The following COG6 variants were observed in gnomAD, a reference collection of about 807,000 sequenced individuals.
COG6 encodes the protein component of oligomeric golgi complex 6, also known as conserved oligomeric Golgi complex subunit 6.
In COG6, 74 loss-of-function variants were observed where a neutral mutation model predicts 88.8. That is an observed-to-expected ratio of 0.83 (90% confidence interval 0.69 to 1.01). COG6 has a LOEUF of 1.01. Ranked by LOEUF, COG6 falls within the 50% of genes least tolerant of loss-of-function variation. The probability of loss-of-function intolerance (pLI) is 0.00; values close to 1 mark genes in which losing one functional copy is unlikely to be tolerated. For synonymous variants in COG6, 286 were observed against 278.7 expected (o/e 1.03, Z -0.26); for missense variants, 800 against 797.9 (o/e 1.00, Z -0.03).
intron 18 of COG6, among the ~76,000 whole-genome samples, chr13:39,783,090 T>C (rs181652228): frequency 6.6e-6 from 1 of 152,352 alleles, no homozygotes; most frequent in East Asian, 1.9e-4. Flanking sequence ...TATGTCTTTT[T>C]TACAATTACT....
At chr13:39,720,477 A>G (rs1375795166) in intron 15 of COG6, among the ~76,000 whole-genome samples, 3 of 152,140 alleles carry the variant, frequency 2.0e-5, no homozygotes, top group African/African-American at 4.8e-5. Flanking sequence ...TATCACACAT[A>G]TATCAACAGT....
At chr13:39,686,821 A>G (rs565152718) in intron 8 of COG6, among the ~76,000 whole-genome samples, 18 of 152,096 alleles carry the variant, frequency 1.2e-4, no homozygotes, top group Non-Finnish European at 2.1e-4. Flanking sequence ...CCTGAACCTC[A>G]CGGGCTCAAG....
At chr13:39,668,757 C>G (rs748195376) in intron 4 of COG6, among the ~76,000 whole-genome samples, 1 of 149,142 alleles carries the variant, frequency 6.7e-6, no homozygotes, top group Non-Finnish European at 1.5e-5. Flanking sequence ...CACTGCACTC[C>G]AGCCTGGGCG....
chr13:39,693,620 GTTAA>G (rs1219112739), intron 11 of COG6, among the ~76,000 whole-genome samples: 1 of 151,944 alleles, frequency 6.6e-6, no homozygotes, highest in African/African-American at 2.4e-5. Context: ...ATGGTATTGT[GTTAA>G]TTAGATAGTC....
intron 1 of COG6, chr13:39,656,995 A>G (rs1434476475): frequency 2.4e-5 from 10 of 418,518 alleles, no homozygotes; most frequent in South Asian, 1.2e-4. Flanking sequence ...GATATTTATT[A>G]TATCATTTAA....
downstream of COG6, among the ~76,000 whole-genome samples, chr13:39,755,465 T>A (rs1469706952): frequency 6.6e-6 from 1 of 152,150 alleles, no homozygotes; most frequent in Non-Finnish European, 1.5e-5. Context: ...TTTAAAACAT[T>A]TACCTGTCAT....
chr13:39,768,111 T>G (rs1410660240), intron 18 of COG6, among the ~76,000 whole-genome samples: 1 of 123,972 alleles, frequency 8.1e-6, no homozygotes, highest in African/African-American at 2.9e-5. Context: ...TTCTTGCAGT[T>G]TAACACACAT....
chr13:39,695,964 ATTGT>A (rs1260330757), intron 12 of COG6, among the ~76,000 whole-genome samples: 2 of 151,976 alleles, frequency 1.3e-5, no homozygotes, highest in African/African-American at 2.4e-5. Flanking sequence ...AATTTTTAAA[ATTGT>A]TTATTTAATA....
chr13:39,748,695 T>G (rs1880467113), intron 18 of COG6, among the ~76,000 whole-genome samples: 1 of 152,114 alleles, frequency 6.6e-6, no homozygotes, highest in Non-Finnish European at 1.5e-5. Flanking sequence ...ATCCCTTCCC[T>G]TTCAGCAGAA....
At chr13:39,686,217 T>G (rs1566179238) in intron 8 of COG6, among the ~76,000 whole-genome samples, 1 of 152,206 alleles carries the variant, frequency 6.6e-6, no homozygotes, top group East Asian at 1.9e-4. Context: ...GAATACTGTT[T>G]AGAGATTTAA....
intron 3 of COG6, among the ~76,000 whole-genome samples, chr13:39,663,233 A>G (rs1267973810): frequency 1.3e-5 from 2 of 152,110 alleles, no homozygotes; most frequent in East Asian, 3.9e-4. Flanking sequence ...TATAAATGAA[A>G]AAATCAGGAA....
intron 13 of COG6, among the ~76,000 whole-genome samples, chr13:39,712,149 T>C (rs1229577922): frequency 1.3e-5 from 2 of 152,032 alleles, no homozygotes; most frequent in Non-Finnish European, 2.9e-5. Context: ...TGAGTCACCA[T>C]GCCCAGCCCT....
At chr13:39,772,189 A>G (rs1031397798) in intron 18 of COG6, among the ~76,000 whole-genome samples, 5 of 152,076 alleles carry the variant, frequency 3.3e-5, no homozygotes, top group African/African-American at 1.2e-4. Context: ...GTTTCCTGAA[A>G]TGTCTTCCCT....
At chr13:39,781,757 G>A (rs375258452) in intron 18 of COG6, among the ~76,000 whole-genome samples, 28 of 152,192 alleles carry the variant, frequency 1.8e-4, no homozygotes, top group African/African-American at 6.3e-4. Flanking sequence ...ACCTGGCAGG[G>A]TCACCAGTCC....
intron 4 of COG6, among the ~76,000 whole-genome samples, chr13:39,665,567 A>G (rs1213038421): frequency 2.0e-5 from 3 of 152,190 alleles, no homozygotes; most frequent in Non-Finnish European, 4.4e-5. Flanking sequence ...TAGTTTATAC[A>G]ATAGGTATAC....
intron 18 of COG6, among the ~76,000 whole-genome samples, chr13:39,744,087 A>G (rs1239543400): frequency 1.3e-5 from 2 of 152,220 alleles, no homozygotes; most frequent in Non-Finnish European, 2.9e-5. Context: ...TAAACTAGGT[A>G]TTGATGGAAT....
intron 13 of COG6, 75 bp downstream of exon 13, chr13:39,699,693 A>T: frequency 1.3e-6 from 1 of 782,458 alleles, no homozygotes; most frequent in Non-Finnish European, 2.3e-6. Flanking sequence ...TTTTGTATTG[A>T]TTGATAACTT....
At position 39,694,624 on chromosome 13, in the gene COG6, A is replaced by G; in HGVS notation, c.1075-10A>G. On this transcript the variant is annotated splice_polypyrimidine_tract_variant and intron_variant, in intron 11 of 18. Transcript: ENST00000455146. Reference sequence around the variant, plus strand: ...AGAAATGTTTACTTTCCTCTCACATATTTTAATAGGTTCGAATTGAGCAAG... The same window carrying G: ...AGAAATGTTTACTTTCCTCTCACATGTTTTAATAGGTTCGAATTGAGCAAG... 1 of 1,536,426 alleles carries G rather than the reference A, an allele frequency of 6.5e-7. No homozygotes were observed. The highest frequency in any genetic ancestry group is 9.0e-7 in the Non-Finnish European group (1 of 1,111,944).
intron 4 of COG6, among the ~76,000 whole-genome samples, chr13:39,665,376 G>C (rs192233934): frequency 4.6e-5 from 7 of 152,200 alleles, no homozygotes; most frequent in Admixed American, 1.3e-4. Flanking sequence ...CTTTGGAAGA[G>C]AGGTGATGAT....
Sources: gnomAD v4.1 joint callset for allele counts (sites outside exome capture counted in the v4.1 genomes callset) on GRCh38, gnomAD v4.1.1 for gene constraint, MANE v1.5 for transcripts, NCBI Gene and HGNC (gene_info 2026-07-23, HGNC 2026-07-21) for gene names.